PCDH9: variants seen among roughly 807,000 people sequenced by gnomAD.
PCDH9 encodes the protein protocadherin-9.
Under a neutral mutation model 70.6 loss-of-function variants are expected in PCDH9, and 24 were observed. The observed-to-expected ratio is 0.34, with a 90% confidence interval of 0.25 to 0.48. The LOEUF (loss-of-function observed/expected upper bound fraction) is 0.48. Ranked by LOEUF, PCDH9 falls within the 20% of genes least tolerant of loss-of-function variation. The probability of loss-of-function intolerance (pLI) is 0.99; values close to 1 mark genes in which losing one functional copy is unlikely to be tolerated. For missense variants in PCDH9, 1,281 were observed against 1,503.6 expected (o/e 0.85, Z 2.45); for synonymous variants, 562 against 558.5 (o/e 1.01, Z -0.09).
Position 67,227,724 on chromosome 13 carries a change from C to A in PCDH9, c.717G>T (p.Gln239His). 2 of 1,613,960 alleles carry A rather than the reference C, an allele frequency of 1.2e-6. No homozygotes were observed. Among genetic ancestry groups the A allele is most frequent in the Non-Finnish European group, 1.7e-6 (2 of 1,179,818 alleles). Residue 239 changes from glutamine to histidine, a missense_variant, in exon 2 of 5, where the codon CAG (glutamine) becomes CAT (histidine). Physicochemically the swap from Gln to His is conservative, Grantham distance 24. Around this residue, in one of 4 missense-constraint regions of PCDH9, gnomAD observed 798 missense variants for 1,003.1 expected, o/e 0.80. Coordinates refer to ENST00000377865, the MANE Select transcript of PCDH9 (RefSeq NM_203487.3). This position sits in a 1 kb window ranked among gnomAD's most constrained non-coding sequence, Gnocchi z 4.6. ...TPQKSSTAIL[Q>H]VTVSDVNDNR... ...TGTCATTTACATCACTTACTGTGACCTGCAGTATGGCCGTACTGGATTTCT... is the reference window on the plus strand; with the variant it reads ...TGTCATTTACATCACTTACTGTGACATGCAGTATGGCCGTACTGGATTTCT...
At chr13:66,397,648 T>C (rs1213318341) in intron 4 of PCDH9, among the ~76,000 whole-genome samples, 1 of 151,550 alleles carries the variant, frequency 6.6e-6, no homozygotes, top group Admixed American at 6.6e-5. Flanking sequence ...ATACACAAAA[T>C]ATATGTACAT....
At position 66,553,066 on chromosome 13, in the gene PCDH9, T is replaced by C. The variant is rs374877245; in HGVS notation, c.3340+78144A>G. Among the ~76,000 whole-genome samples, 25 of 152,298 alleles carry C rather than the reference T, an allele frequency of 1.6e-4. No individual in the cohort carries two copies. The East Asian group carries it at 4.8e-3, about 29-fold the overall frequency. On this transcript the variant is annotated intron_variant, in intron 4 of 4. Transcript: ENST00000377865. ...TCCCAAGATTCAATTACCTCTCACC[T>C]GGCCCCTCCTACAACACATGGATAT...
At chr13:66,759,947 C>T (rs73210205) in intron 3 of PCDH9, among the ~76,000 whole-genome samples, 12,378 of 152,002 alleles carry the variant, frequency 0.081, 524 homozygotes, top group East Asian at 0.14. Flanking sequence ...GTAAGTTGTT[C>T]TGTGCTCAGA....
chr13:66,718,215 T>A (rs2078896315), intron 3 of PCDH9, among the ~76,000 whole-genome samples: 2 of 152,154 alleles, frequency 1.3e-5, no homozygotes, highest in Admixed American at 1.3e-4. Flanking sequence ...AGGTTAGAAT[T>A]CATATTTGCT....
intron 4 of PCDH9, among the ~76,000 whole-genome samples, chr13:66,610,059 G>T (rs1034960658): frequency 6.7e-6 from 1 of 149,456 alleles, no homozygotes; most frequent in Non-Finnish European, 1.5e-5. Flanking sequence ...CCGGGTTCAC[G>T]CCATTCTCCT....
At chr13:67,139,348 C>T (rs1481850311) in intron 2 of PCDH9, among the ~76,000 whole-genome samples, 1 of 152,182 alleles carries the variant, frequency 6.6e-6, no homozygotes, top group Non-Finnish European at 1.5e-5. Context: ...AAGTCTTAAT[C>T]GCTCAGAGAT....
intron 4 of PCDH9, among the ~76,000 whole-genome samples, chr13:66,409,385 T>G (rs1957334434): frequency 6.6e-6 from 1 of 152,182 alleles, no homozygotes; most frequent in African/African-American, 2.4e-5. Context: ...TGGTTTGCAC[T>G]AATTGTTGTC....
chr13:67,080,797 T>A (rs545987030), intron 2 of PCDH9, among the ~76,000 whole-genome samples: 1 of 152,282 alleles, frequency 6.6e-6, no homozygotes, highest in East Asian at 1.9e-4. Context: ...TCAGAGTGGA[T>A]AACAGAAGTG....
At chr13:67,087,698 T>C (rs1345790060) in intron 2 of PCDH9, among the ~76,000 whole-genome samples, 1 of 152,062 alleles carries the variant, frequency 6.6e-6, no homozygotes, top group Non-Finnish European at 1.5e-5. Flanking sequence ...CAATGTGTTT[T>C]TTTCTTCTGA....
At chr13:66,419,353 G>T (rs931566210) in intron 4 of PCDH9, among the ~76,000 whole-genome samples, 6 of 151,950 alleles carry the variant, frequency 3.9e-5, no homozygotes, top group Admixed American at 3.9e-4. Flanking sequence ...ATCCATGGAG[G>T]ATTCCCACGC....
chr13:66,904,059 G>A (rs1369167570), intron 2 of PCDH9, among the ~76,000 whole-genome samples: 2 of 151,852 alleles, frequency 1.3e-5, no homozygotes, highest in Admixed American at 6.6e-5. Context: ...CTGTTGCCCA[G>A]CCTTTTGGGA....
intron 2 of PCDH9, among the ~76,000 whole-genome samples, chr13:67,119,214 A>G (rs979635557): frequency 6.6e-6 from 1 of 152,070 alleles, no homozygotes; most frequent in Non-Finnish European, 1.5e-5. Flanking sequence ...GTTGTTGAAG[A>G]TATTGTTGTT....
chr13:66,446,463 C>A (rs1958091905), intron 4 of PCDH9, among the ~76,000 whole-genome samples: 1 of 151,922 alleles, frequency 6.6e-6, no homozygotes, highest in African/African-American at 2.4e-5. Context: ...AAAAAGAAGA[C>A]CCAAAATGAG....
intron 2 of PCDH9, among the ~76,000 whole-genome samples, chr13:67,200,494 A>G (rs981158900): frequency 6.6e-6 from 1 of 152,030 alleles, no homozygotes; most frequent in South Asian, 2.1e-4. Flanking sequence ...TCCTCTAGTG[A>G]GCAAACCTAA....
chr13:66,605,989 G>A (rs2077218144), intron 4 of PCDH9, among the ~76,000 whole-genome samples: 1 of 152,196 alleles, frequency 6.6e-6, no homozygotes, highest in African/African-American at 2.4e-5. Context: ...GCAGTTTGGG[G>A]TAGTGACATA....
At chr13:67,214,943 T>G (rs1356133388) in intron 2 of PCDH9, 1 of 62,688 alleles carries the variant, frequency 1.6e-5, no homozygotes, top group South Asian at 7.4e-4. Flanking sequence ...CAGATATATA[T>G]ATATATATAT....
chr13:66,342,834 T>C (rs1235877806), intron 4 of PCDH9, among the ~76,000 whole-genome samples: 2 of 150,336 alleles, frequency 1.3e-5, no homozygotes, highest in African/African-American at 2.5e-5. Flanking sequence ...TTATTAGAGA[T>C]GAGTTTTCAC....
At chr13:66,446,980 T>G (rs187953338) in intron 4 of PCDH9, among the ~76,000 whole-genome samples, 16 of 152,180 alleles carry the variant, frequency 1.1e-4, no homozygotes, top group Non-Finnish European at 1.6e-4. Flanking sequence ...CTTTAACATT[T>G]CCTTTCTAAG....
chr13:66,417,622 C>G (rs548396940), intron 4 of PCDH9, among the ~76,000 whole-genome samples: 5 of 152,292 alleles, frequency 3.3e-5, no homozygotes, highest in South Asian at 2.1e-4. Flanking sequence ...TACACTCCCC[C>G]CAACAGTGTA....
Sources: gnomAD v4.1 joint callset for allele counts (sites outside exome capture counted in the v4.1 genomes callset) on GRCh38, gnomAD v4.1.1 for gene constraint, gnomAD v4.1.1 regional missense constraint, Gnocchi (gnomAD v3.1) non-coding constraint, MANE v1.5 for transcripts, NCBI Gene and HGNC (gene_info 2026-07-23, HGNC 2026-07-21) for gene names.